The following EPHA6 variants were observed in gnomAD, a reference collection of about 807,000 sequenced individuals.
The protein encoded by EPHA6 is EPH receptor A6.
EPHA6 carries 50 observed loss-of-function variants against 112.0 expected under a neutral mutation model. The observed-to-expected ratio is 0.45, with a 90% CI of 0.36 to 0.56. The LOEUF (loss-of-function observed/expected upper bound fraction) is 0.56, where lower values mean the gene tolerates loss of function less well. Ranked by LOEUF, EPHA6 falls within the 20% of genes least tolerant of loss-of-function variation. The probability of loss-of-function intolerance (pLI) is 0.00; values close to 1 mark genes in which losing one functional copy is unlikely to be tolerated. For synonymous variants in EPHA6, 529 were observed against 490.7 expected (o/e 1.08, Z -1.03); for missense variants, 1,280 against 1,417.4 (o/e 0.90, Z 1.56).
chr3:96,903,036 A>G (rs1044056841), intron 2 of EPHA6, among the ~76,000 whole-genome samples: 3 of 152,302 alleles, frequency 2.0e-5, no homozygotes, highest in Admixed American at 1.3e-4. Flanking sequence ...GAAGAAACAA[A>G]TAAATAAAAT....
chr3:97,591,097 C>A (rs1254284401), intron 11 of EPHA6, among the ~76,000 whole-genome samples: 1 of 152,198 alleles, frequency 6.6e-6, no homozygotes, highest in African/African-American at 2.4e-5. Flanking sequence ...CATGACAGAA[C>A]CCTACACTAA....
chr3:97,271,296 A>G (rs767182721), intron 5 of EPHA6, among the ~76,000 whole-genome samples: 1 of 152,184 alleles, frequency 6.6e-6, no homozygotes, highest in African/African-American at 2.4e-5. Flanking sequence ...TTCTCTCCTC[A>G]CTTTACTGAA....
intron 2 of EPHA6, among the ~76,000 whole-genome samples, chr3:96,926,514 T>C (rs540991806): frequency 6.6e-6 from 1 of 152,292 alleles, no homozygotes; most frequent in Admixed American, 6.5e-5. Flanking sequence ...CAAAGTCTCA[T>C]CTGAGACAAG....
chr3:97,101,921 T>C (rs1454342383), intron 3 of EPHA6, among the ~76,000 whole-genome samples: 1 of 152,088 alleles, frequency 6.6e-6, no homozygotes, highest in Admixed American at 6.6e-5. Flanking sequence ...TCTTAACTAC[T>C]CTAAATTTCA....
chr3:97,324,480 GTCTCTT>G (rs2082314675), intron 5 of EPHA6, among the ~76,000 whole-genome samples: 1 of 41,514 alleles, frequency 2.4e-5, no homozygotes, highest in South Asian at 7.2e-4. Flanking sequence ...TTTTTCTTTC[GTCTCTT>G]TCTCTTTCTT....
At chr3:97,609,817 A>G (rs2093704863) in intron 12 of EPHA6, among the ~76,000 whole-genome samples, 1 of 151,524 alleles carries the variant, frequency 6.6e-6, no homozygotes, top group Non-Finnish European at 1.5e-5. Flanking sequence ...AAAACTGTGC[A>G]TAGTGCAGAT....
At chr3:97,433,431 C>G (rs2089637099) in intron 6 of EPHA6, among the ~76,000 whole-genome samples, 1 of 152,064 alleles carries the variant, frequency 6.6e-6, no homozygotes, top group Non-Finnish European at 1.5e-5. Flanking sequence ...ATTTACAGCA[C>G]AGTCAATAAT....
chr3:97,407,973 T>C (rs1422887292), intron 6 of EPHA6, among the ~76,000 whole-genome samples: 1 of 152,068 alleles, frequency 6.6e-6, no homozygotes, highest in Admixed American at 6.6e-5. Flanking sequence ...AATTTATTTC[T>C]CACAGTTCTA....
chr3:97,517,606 A>G (rs913861503), intron 10 of EPHA6, among the ~76,000 whole-genome samples: 3 of 152,108 alleles, frequency 2.0e-5, no homozygotes, highest in Non-Finnish European at 2.9e-5. Flanking sequence ...AAAACATTTA[A>G]AATCTACTCT....
rs752037264 is a variant in EPHA6, at chr3:97,115,822, A to C, written c.1115-110442A>C. 7.8e-4 allele frequency among the ~76,000 whole-genome samples: 118 copies of C among 151,978 alleles called. 1 individual carries two copies. In the Middle Eastern group the frequency reaches 0.017, roughly 22 times the overall value. On this transcript the variant is annotated intron_variant, in intron 3 of 17. Coordinates refer to ENST00000389672, the MANE Select transcript of EPHA6 (RefSeq NM_001080448.3). ...GGCTTTTAGGATGTCGGAGTTAAGA[A>C]TATTGTGGGGCAAAATAACATATAT...
chr3:97,324,886 A>C (rs1421295322), intron 5 of EPHA6, among the ~76,000 whole-genome samples: 1 of 152,106 alleles, frequency 6.6e-6, no homozygotes, highest in Non-Finnish European at 1.5e-5. Flanking sequence ...ATTTACACTG[A>C]TGTGTAAATG....
At chr3:97,581,257 A>C (rs2093435108) in intron 11 of EPHA6, among the ~76,000 whole-genome samples, 1 of 152,262 alleles carries the variant, frequency 6.6e-6, no homozygotes, top group Non-Finnish European at 1.5e-5. Context: ...TGAGATATCA[A>C]GAGGGACTTG....
At chr3:97,009,637 C>T (rs1432502484) in intron 3 of EPHA6, among the ~76,000 whole-genome samples, 3 of 152,238 alleles carry the variant, frequency 2.0e-5, no homozygotes, top group Non-Finnish European at 2.9e-5. Flanking sequence ...GCCCCTCCCC[C>T]AAGGAGTTTC....
At chr3:97,570,758 A>C (rs1417102818) in intron 11 of EPHA6, among the ~76,000 whole-genome samples, 1 of 152,166 alleles carries the variant, frequency 6.6e-6, no homozygotes, top group Non-Finnish European at 1.5e-5. Flanking sequence ...TGGAAGCTTT[A>C]AATGTTAAAC....
intron 3 of EPHA6, among the ~76,000 whole-genome samples, chr3:97,114,699 A>C (rs967279275): frequency 6.6e-6 from 1 of 152,058 alleles, no homozygotes; most frequent in Non-Finnish European, 1.5e-5. Flanking sequence ...ATTAAAAGAA[A>C]AATGTCTTTT....
At chr3:96,983,907 G>A (rs1311720275) in intron 2 of EPHA6, among the ~76,000 whole-genome samples, 4 of 152,104 alleles carry the variant, frequency 2.6e-5, no homozygotes, top group Non-Finnish European at 5.9e-5. Context: ...ACTCCATCAG[G>A]TCATTCAAGG....
intron 3 of EPHA6, among the ~76,000 whole-genome samples, chr3:97,023,908 T>C (rs2044548777): frequency 6.6e-6 from 1 of 152,192 alleles, no homozygotes; most frequent in Non-Finnish European, 1.5e-5. Context: ...ATGGAAGCAA[T>C]ATTTTGCATT....
chr3:97,696,656 C>G (rs144416296), intron 14 of EPHA6, among the ~76,000 whole-genome samples: 1 of 152,180 alleles, frequency 6.6e-6, no homozygotes, highest in East Asian at 1.9e-4. Context: ...ATTCTTCTAG[C>G]AAAAACACAG....
In EPHA6 at chr3:97,207,511, G is replaced by A. The variant is rs116046243; in HGVS notation, c.1115-18753G>A. On this transcript the variant is annotated intron_variant, in intron 3 of 17. Transcript: ENST00000389672. ...GTGTATGTTGATAACGCATTTGTCTGGTCCAGTAGATTATTTTAGCTCAGT... is the reference window on the plus strand; with the variant it reads ...GTGTATGTTGATAACGCATTTGTCTAGTCCAGTAGATTATTTTAGCTCAGT... 3.1e-3 allele frequency among the ~76,000 whole-genome samples: 478 copies of A among 152,112 alleles called. 3 individuals carry two copies. The highest frequency in any genetic ancestry group is 0.01 in the African/African-American group (435 of 41,518).
Sources: gnomAD v4.1 joint callset for allele counts (sites outside exome capture counted in the v4.1 genomes callset) on GRCh38, gnomAD v4.1.1 for gene constraint, MANE v1.5 for transcripts, NCBI Gene and HGNC (gene_info 2026-07-23, HGNC 2026-07-21) for gene names.